KLF15: variants seen among roughly 807,000 people sequenced by gnomAD.
The protein encoded by KLF15 is KLF transcription factor 15.
Under a neutral mutation model 24.6 loss-of-function variants are expected in KLF15, and 4 were observed. That is an observed-to-expected ratio of 0.16 (90% confidence interval 0.08 to 0.37). The LOEUF is 0.37. Among genes scored for constraint, KLF15 ranks in the 10% least tolerant of loss-of-function variants. KLF15 has a pLI of 1.00. For synonymous variants in KLF15, 246 were observed against 236.3 expected (o/e 1.04, Z -0.37); for missense variants, 496 against 560.6 (o/e 0.88, Z 1.16).
At chr3:126,296,917 T>C in the KLF15 span, among the ~76,000 whole-genome samples, 8 of 152,192 alleles carry the variant, frequency 5.3e-5, no homozygotes, top group Non-Finnish European at 8.8e-5. Context: ...TAGTTGATCA[T>C]TTCTTTAGTA....
At chr3:126,330,386 C>T in the KLF15 span, among the ~76,000 whole-genome samples, 1 of 152,198 alleles carries the variant, frequency 6.6e-6, no homozygotes, top group Non-Finnish European at 1.5e-5. Flanking sequence ...CCATGTATTT[C>T]TGTGGGTTTA....
At chr3:126,323,463 CATATATATGTTATATATATATATA>C in the KLF15 span, among the ~76,000 whole-genome samples, 1 of 75,454 alleles carries the variant, frequency 1.3e-5, no homozygotes, top group African/African-American at 6.4e-5. Context: ...ATATATATAA[CATATATATGTTATATATATATATA>C]ACATATATAT....
At chr3:126,288,331 T>C in the KLF15 span, 1 of 152,190 alleles carries the variant, frequency 6.6e-6, no homozygotes, top group South Asian at 2.1e-4. Context: ...CAACTGATGT[T>C]CGAGAAAGCC....
At chr3:126,346,553 C>T (rs570451654) in intron 2 of KLF15, among the ~76,000 whole-genome samples, 2 of 152,158 alleles carry the variant, frequency 1.3e-5, no homozygotes, top group Non-Finnish European at 2.9e-5. Flanking sequence ...CAGGTGGTGA[C>T]GTGGGGCCAC....
rs189318146 is a variant in KLF15 at position 126,354,645 on chromosome 3, C to T, written c.-25-1698G>A. On this transcript the variant is annotated intron_variant, in intron 1 of 2. Coordinates refer to ENST00000296233, the MANE Select transcript of KLF15 (RefSeq NM_014079.4). ...GACATTTGGCTTTTTGGTTTAAATA[C>T]TCAGCTAAGGATTTAAACCTGGAAT... Among the ~76,000 whole-genome samples the T allele has an allele frequency of 2.5e-3, 381 of 152,308 alleles. 2 individuals are homozygous for T. The highest frequency in any genetic ancestry group is 4.4e-3 in the Non-Finnish European group (300 of 68,038).
chr3:126,318,388 T>G, the KLF15 span, among the ~76,000 whole-genome samples: 1 of 152,224 alleles, frequency 6.6e-6, no homozygotes, highest in South Asian at 2.1e-4. Flanking sequence ...TCTTGACTCC[T>G]GTTATGGTAG....
the KLF15 span, among the ~76,000 whole-genome samples, chr3:126,332,258 G>T: frequency 2.7e-5 from 4 of 149,056 alleles, no homozygotes; most frequent in African/African-American, 7.4e-5. Flanking sequence ...AGTGGGTCCC[G>T]GACCCCTGAC....
intron 2 of KLF15, among the ~76,000 whole-genome samples, chr3:126,345,933 T>G (rs537746475): frequency 3.3e-5 from 5 of 152,300 alleles, no homozygotes; most frequent in African/African-American, 1.2e-4. Flanking sequence ...AGGAGGAAAC[T>G]GAAGCTCAGG....
chr3:126,352,002 C>A lies in KLF15; in HGVS notation c.921G>T (p.Gln307His). Residue 307 changes from glutamine (Q) to histidine (H), a missense_variant, in exon 2 of 3, where the codon CAG (glutamine) becomes CAT (histidine). Around this residue, in one of 3 missense-constraint regions of KLF15, gnomAD observed 399 missense variants for 423.1 expected, o/e 0.94. Transcript: ENST00000296233. Reference protein sequence around the residue: ...GPGPAGLLMGQKFPKNPAAEL... With the variant: ...GPGPAGLLMGHKFPKNPAAEL... ...CTGCGGCTGGGTTCTTGGGGAACTT[C>A]TGGCCCATGAGGAGACCGGCAGGGC... 6.4e-7 allele frequency: 1 copy of A among 1,571,508 alleles called. No individual in the cohort carries two copies. The highest frequency in any genetic ancestry group is 8.6e-7 in the Non-Finnish European group (1 of 1,158,586).
chr3:126,347,754 C>T (rs994790252), intron 2 of KLF15, among the ~76,000 whole-genome samples: 1 of 152,274 alleles, frequency 6.6e-6, no homozygotes, highest in African/African-American at 2.4e-5. Context: ...ATCATGTCAC[C>T]AGAGAAGGGA....
chr3:126,315,306 G>T, the KLF15 span, among the ~76,000 whole-genome samples: 1 of 151,974 alleles, frequency 6.6e-6, no homozygotes, highest in South Asian at 2.1e-4. Context: ...TGGGAGTTAG[G>T]GCTGTAACTC....
chr3:126,292,811 A>C, the KLF15 span, among the ~76,000 whole-genome samples: 1 of 152,106 alleles, frequency 6.6e-6, no homozygotes, highest in Admixed American at 6.5e-5. Flanking sequence ...TGCAGGTGGC[A>C]GGAGGGGCAG....
At chr3:126,292,253 G>C in the KLF15 span, among the ~76,000 whole-genome samples, 1 of 152,146 alleles carries the variant, frequency 6.6e-6, no homozygotes, top group African/African-American at 2.4e-5. Flanking sequence ...GGTGGGAAGA[G>C]TTCCACCACT....
At chr3:126,295,089 C>T in the KLF15 span, among the ~76,000 whole-genome samples, 5 of 152,296 alleles carry the variant, frequency 3.3e-5, no homozygotes, top group East Asian at 9.6e-4. Flanking sequence ...CACATAGATG[C>T]ACATGAGCAT....
chr3:126,329,672 C>A, the KLF15 span, among the ~76,000 whole-genome samples: 1 of 150,532 alleles, frequency 6.6e-6, no homozygotes, highest in Admixed American at 6.6e-5. Context: ...TTTTAAAATC[C>A]TCTTTGGATT....
the KLF15 span, among the ~76,000 whole-genome samples, chr3:126,305,054 G>C: frequency 6.6e-6 from 1 of 152,174 alleles, no homozygotes; most frequent in Non-Finnish European, 1.5e-5. Context: ...GTTACAGAGA[G>C]AAGTCCTGCT....
the KLF15 span, among the ~76,000 whole-genome samples, chr3:126,318,040 G>C: frequency 2.6e-5 from 4 of 151,946 alleles, no homozygotes; most frequent in Admixed American, 1.3e-4. Context: ...TGTTCTACAC[G>C]ACACCAACCT....
At chr3:126,289,716 A>T in the KLF15 span, among the ~76,000 whole-genome samples, 3 of 152,242 alleles carry the variant, frequency 2.0e-5, no homozygotes, top group African/African-American at 7.2e-5. Context: ...CTTTCTATGG[A>T]TGCGTAACAA....
chr3:126,293,102 G>C, the KLF15 span, among the ~76,000 whole-genome samples: 1 of 147,220 alleles, frequency 6.8e-6, no homozygotes. Context: ...TTAAGCCCAG[G>C]AGTTCAAGAC....
Sources: allele counts gnomAD v4.1 joint callset (sites outside exome capture counted in the v4.1 genomes callset), GRCh38; gene constraint gnomAD v4.1.1; regional missense constraint gnomAD v4.1.1; transcripts MANE v1.5; gene names NCBI Gene and HGNC (gene_info 2026-07-23, HGNC 2026-07-21).